The following ENO4 variants were observed in gnomAD, a reference collection of about 807,000 sequenced individuals.
The protein encoded by ENO4 is enolase 4.
A neutral mutation model predicts 63.2 loss-of-function variants in ENO4; 53 were observed. The observed-to-expected ratio is 0.84, with a 90% CI of 0.67 to 1.05. The LOEUF (loss-of-function observed/expected upper bound fraction) is 1.05. ENO4 is among the 50% of genes least tolerant of loss of function. The pLI, the probability that ENO4 is intolerant of heterozygous loss-of-function variation, is 0.00. For missense variants in ENO4, 719 were observed against 772.0 expected (o/e 0.93, Z 0.81); for synonymous variants, 266 against 283.8 (o/e 0.94, Z 0.63).
intron 10 of ENO4, among the ~76,000 whole-genome samples, chr10:116,895,532 G>A (rs114027793): frequency 7.2e-4 from 110 of 152,182 alleles, no homozygotes; most frequent in African/African-American, 2.4e-3. Context: ...AATTGCTTAG[G>A]TTAGCCTTAC....
chr10:116,885,985 T>C (rs1215533569), downstream of ENO4: 2 of 226,026 alleles, frequency 8.8e-6, no homozygotes, highest in African/African-American at 4.6e-5. Flanking sequence ...TCCGATTATA[T>C]ACAAGCACCT....
At chr10:116,885,766 T>G (rs1407779819), downstream of ENO4, 1 of 152,614 alleles carries the variant, frequency 6.6e-6, no homozygotes, top group Non-Finnish European at 1.5e-5. Context: ...GTTAACAATG[T>G]GTGTAATTAA....
chr10:116,859,262 C>T (rs1846347516), intron 4 of ENO4, 124 bp downstream of exon 4: 2 of 1,134,018 alleles, frequency 1.8e-6, no homozygotes, highest in Non-Finnish European at 2.4e-6. Context: ...GGCTAAAAGC[C>T]ATCCATCCTA....
chr10:116,887,872 G>A (rs1014417656), intron 10 of ENO4, among the ~76,000 whole-genome samples: 1 of 152,166 alleles, frequency 6.6e-6, no homozygotes, highest in African/African-American at 2.4e-5. Context: ...AGTAGGTCTG[G>A]ATGTCTCTCT....
At chr10:116,888,103 G>A (rs1232888702) in intron 10 of ENO4, among the ~76,000 whole-genome samples, 7 of 152,198 alleles carry the variant, frequency 4.6e-5, no homozygotes, top group Non-Finnish European at 1.0e-4. Flanking sequence ...CAAACACTAT[G>A]TCTTCCTTGG....
chr10:116,907,508 T>C (rs1848018940), intron 10 of ENO4, among the ~76,000 whole-genome samples: 1 of 152,202 alleles, frequency 6.6e-6, no homozygotes, highest in Non-Finnish European at 1.5e-5. Flanking sequence ...CATGTTTCCC[T>C]GCTCTGGCTC....
In ENO4 at chr10:116,874,189, T is replaced by C. The variant is rs1304063075; in HGVS notation, c.1329T>C (p.Pro443=). The part of the protein sequence containing the change: ...KYPSIIALID[P]FRKEDSEQWD... ...CTTCAATTATTGCCTTAATTGATCC[T>C]TTCAGGAAGGAGGTAAGCACCCCAC... Residue 443 remains proline (P), a synonymous_variant, in exon 10 of 14, where the codon CCT becomes CCC. Transcript: ENST00000341276. The C allele has an allele frequency of 1.8e-5, 27 of 1,540,230 alleles. No individual in the cohort carries two copies. The highest frequency in any genetic ancestry group is 1.7e-4 in the Middle Eastern group (1 of 5,992).
chr10:116,875,315 G>A (rs1017323809), intron 10 of ENO4, among the ~76,000 whole-genome samples: 1 of 151,886 alleles, frequency 6.6e-6, no homozygotes, highest in Non-Finnish European at 1.5e-5. Flanking sequence ...CCTTAACCTT[G>A]CCATACCAGC....
intron 9 of ENO4, 21 bp from the exon 10 acceptor site, chr10:116,874,055 T>C: frequency 6.6e-7 from 1 of 1,520,770 alleles, no homozygotes; most frequent in Non-Finnish European, 8.9e-7. Flanking sequence ...CTTATTTTAA[T>C]ATTTTCCTGA....
intron 10 of ENO4, among the ~76,000 whole-genome samples, chr10:116,902,162 GA>G (rs1278243757): frequency 1.3e-5 from 2 of 152,284 alleles, no homozygotes; most frequent in Non-Finnish European, 2.9e-5. Flanking sequence ...ACCACGCTGA[GA>G]AATTGTGTAC....
At chr10:116,906,424 A>T (rs539439125) in intron 10 of ENO4, among the ~76,000 whole-genome samples, 2 of 152,380 alleles carry the variant, frequency 1.3e-5, no homozygotes, top group African/African-American at 4.8e-5. Flanking sequence ...CCTACAAATA[A>T]GTAAACACAC....
intron 10 of ENO4, among the ~76,000 whole-genome samples, chr10:116,899,558 T>G (rs1847655425): frequency 6.9e-6 from 1 of 145,936 alleles, no homozygotes. Flanking sequence ...AGAGAGTGCA[T>G]GCATACATAT....
chr10:116,864,025 C>G (rs1294862540), intron 7 of ENO4, among the ~76,000 whole-genome samples: 1 of 152,208 alleles, frequency 6.6e-6, no homozygotes, highest in East Asian at 1.9e-4. Flanking sequence ...GTACCCAAGT[C>G]ATGAGGGTGA....
chr10:116,849,926 G>A, intron 1 of ENO4, 195 bp downstream of exon 1: 1 of 743,412 alleles, frequency 1.3e-6, no homozygotes, highest in Non-Finnish European at 2.4e-6. Context: ...GATCTCCCCA[G>A]AGAAAGTGGC....
rs749439305 is a variant in ENO4 at position 116,861,195 on chromosome 10, C to T, written c.936+5C>T. On this transcript the variant is annotated splice_donor_5th_base_variant and intron_variant, in intron 6 of 13. Coordinates refer to ENST00000341276, the MANE Select transcript of ENO4 (RefSeq NM_001242699.2). ...CCTGAATTAACAACCAAACAAGTAC[C>T]TTACATTATCTTAAATTACCTTTTC... is the stretch of plus-strand genomic sequence containing the variant. 1.6e-6 allele frequency: 2 copies of T among 1,268,862 alleles called. No homozygotes were observed. Among genetic ancestry groups the T allele is most frequent in the South Asian group, 5.1e-5 (2 of 39,304 alleles). 78.6% of individuals were successfully genotyped at this position (1,268,862 alleles called of 1,614,324 possible). A position where few individuals can be genotyped will look rare whatever the true frequency, so the allele number is the denominator to read the frequency against.
At chr10:116,851,163 G>A (rs889857223) in intron 1 of ENO4, among the ~76,000 whole-genome samples, 1 of 152,246 alleles carries the variant, frequency 6.6e-6, no homozygotes, top group Non-Finnish European at 1.5e-5. Context: ...AGGCAGCCAG[G>A]ATATTCGTTT....
At chr10:116,901,512 T>A (rs1182977910) in intron 10 of ENO4, 4 of 985,206 alleles carry the variant, frequency 4.1e-6, no homozygotes, top group Non-Finnish European at 4.8e-6. Context: ...CAATTATTTG[T>A]GTAGAAGAAC....
intron 9 of ENO4, among the ~76,000 whole-genome samples, chr10:116,872,785 A>G (rs527508031): frequency 1.3e-5 from 2 of 152,342 alleles, no homozygotes; most frequent in South Asian, 2.1e-4. Flanking sequence ...TTCAGGGGAC[A>G]TGACCAAATA....
At chr10:116,900,515 T>C in intron 10 of ENO4, 1 of 1,511,422 alleles carries the variant, frequency 6.6e-7, no homozygotes, top group Non-Finnish European at 8.9e-7. Context: ...GAGGAAGGAG[T>C]TGCAGTATTT....
Sources: allele counts gnomAD v4.1 joint callset (sites outside exome capture counted in the v4.1 genomes callset), GRCh38; gene constraint gnomAD v4.1.1; transcripts MANE v1.5; gene names NCBI Gene and HGNC (gene_info 2026-07-23, HGNC 2026-07-21).